Variants in PCDHGB4 observed in about 807,000 individuals in gnomAD.
The protein encoded by PCDHGB4 is protocadherin gamma-B4.
A neutral mutation model predicts 60.5 loss-of-function variants in PCDHGB4; 38 were observed. The observed-to-expected ratio is 0.63, with a 90% confidence interval of 0.48 to 0.82. The LOEUF (loss-of-function observed/expected upper bound fraction) is 0.82. Ranked by LOEUF, PCDHGB4 falls within the 40% of genes least tolerant of loss-of-function variation. The pLI, the probability that PCDHGB4 is intolerant of heterozygous loss-of-function variation, is 0.00. For synonymous variants in PCDHGB4, 456 were observed against 509.7 expected (o/e 0.89, Z 1.42); for missense variants, 1,109 against 1,209.6 (o/e 0.92, Z 1.23).
At chr5:141,415,754 T>TTTG (rs2095935149) in intron 1 of PCDHGB4, 3 of 1,385,710 alleles carry the variant, frequency 2.2e-6, no homozygotes, top group African/African-American at 1.5e-5. Context: ...TTTTTTTTTT[T>TTTG]TTTTTTTTTT....
chr5:141,476,738 C>T lies in PCDHGB4; in HGVS notation c.2398-18069C>T. 6.2e-7 allele frequency: 1 copy of T among 1,614,076 alleles called. No individual in the cohort carries two copies. The highest frequency in any genetic ancestry group is 2.2e-5 in the East Asian group (1 of 44,880). On this transcript the variant is annotated intron_variant, in intron 1 of 3. Transcript: ENST00000519479. This position sits in a 1 kb window ranked among gnomAD's most constrained non-coding sequence, Gnocchi z 7.6. Reference sequence around the variant, plus strand: ...GCGCGCCCTGGACCGAGAACGGGAGCCTAGTCTCCAGTTAGTGCTGACGGC... The same window carrying T: ...GCGCGCCCTGGACCGAGAACGGGAGTCTAGTCTCCAGTTAGTGCTGACGGC...
At chr5:141,414,957 G>A in intron 1 of PCDHGB4, 7 of 1,614,018 alleles carry the variant, frequency 4.3e-6, no homozygotes, top group Non-Finnish European at 3.4e-6. Flanking sequence ...TGGTGACCAA[G>A]GTGGTGGCGG....
intron 1 of PCDHGB4, chr5:141,393,555 C>T (rs1561643318): frequency 1.2e-6 from 2 of 1,613,808 alleles, no homozygotes; most frequent in Admixed American, 3.3e-5. Context: ...CCCGATTTAC[C>T]GAGTGAAAGT....
At position 141,389,660 on chromosome 5, in the gene PCDHGB4, G is replaced by A. The variant is rs1302432237; in HGVS notation, c.1776G>A (p.Val592=). 4 of 1,612,338 alleles carry A rather than the reference G, an allele frequency of 2.5e-6. No individual in the cohort carries two copies. Among genetic ancestry groups the A allele is most frequent in the African/African-American group, 2.7e-5 (2 of 74,922 alleles). Residue 592 remains valine (V), a synonymous_variant, in exon 1 of 4, where the codon GTG becomes GTA. Transcript: ENST00000519479. ...PGYLVTKVVA[V]DADSGHNAWL... ...ACTTGGTGACCAAGGTAGTGGCGGT[G>A]GACGCAGACTCAGGACACAACGCCT...
chr5:141,512,395 C>T lies in PCDHGB4; in HGVS notation c.*1222C>T, dbSNP rs1229077213. ...ACCAAATGAACAGAAAGTCTCAGCCCAGGATGGGGCTTCTTCAACAGGGCC... is the reference window on the plus strand; with the variant it reads ...ACCAAATGAACAGAAAGTCTCAGCCTAGGATGGGGCTTCTTCAACAGGGCC... On this transcript the variant is annotated 3_prime_UTR_variant, in exon 4 of 4. Coordinates refer to ENST00000519479, the MANE Select transcript of PCDHGB4 (RefSeq NM_003736.4). 1 of 152,690 alleles carries T rather than the reference C, an allele frequency of 6.5e-6. No individual in the cohort carries two copies. Among genetic ancestry groups the T allele is most frequent in the Non-Finnish European group, 1.5e-5 (1 of 68,072 alleles). The allele number at this position is 152,690 out of a possible 1,614,324, so 9.5% of individuals were successfully genotyped here.
chr5:141,462,078 C>T (rs2154567608), intron 1 of PCDHGB4, among the ~76,000 whole-genome samples: 1 of 152,304 alleles, frequency 6.6e-6, no homozygotes, highest in East Asian at 1.9e-4. Flanking sequence ...CCGCCTTGGC[C>T]TCCCAAAATG....
At chr5:141,426,764 T>C (rs1285434687) in intron 1 of PCDHGB4, 5 of 456,638 alleles carry the variant, frequency 1.1e-5, no homozygotes, top group Non-Finnish European at 2.2e-5. Flanking sequence ...TAGATGCAGA[T>C]GTAGGGCCTC....
chr5:141,488,441 C>T (rs1320712074), intron 1 of PCDHGB4, among the ~76,000 whole-genome samples: 1 of 152,206 alleles, frequency 6.6e-6, no homozygotes, highest in Non-Finnish European at 1.5e-5. Flanking sequence ...TGACCACCCT[C>T]CTGGGTGACC....
At position 141,489,380 on chromosome 5, in the gene PCDHGB4, A is replaced by G. The variant is rs753226956; in HGVS notation, c.2398-5427A>G. ...TCTGAGCCGGGGACGCTGGTGGGGA[A>G]TGTTGCTCAGGATCTGGGCTTAAAG... is the stretch of plus-strand genomic sequence containing the variant. On this transcript the variant is annotated intron_variant, in intron 1 of 3. Transcript: ENST00000519479. The surrounding 1 kb of genome is among the most constrained non-coding windows in gnomAD (Gnocchi z 4.5). The G allele has an allele frequency of 1.9e-6, 3 of 1,613,874 alleles. No individual in the cohort carries two copies. Among genetic ancestry groups the G allele is most frequent in the Admixed American group, 1.7e-5 (1 of 60,026 alleles).
intron 1 of PCDHGB4, chr5:141,420,969 A>G (rs2096536141): frequency 2.3e-6 from 1 of 443,064 alleles, no homozygotes; most frequent in Admixed American, 4.0e-5. Flanking sequence ...TTGCAATAAT[A>G]AGAATGGGCT....
At chr5:141,483,745 T>C (rs1288301129) in intron 1 of PCDHGB4, among the ~76,000 whole-genome samples, 1 of 152,130 alleles carries the variant, frequency 6.6e-6, no homozygotes, top group Non-Finnish European at 1.5e-5. Flanking sequence ...AGGATATTCC[T>C]GAGGATCGAG....
chr5:141,437,518 T>C (rs1482415074), intron 1 of PCDHGB4, among the ~76,000 whole-genome samples: 1 of 152,210 alleles, frequency 6.6e-6, no homozygotes, highest in African/African-American at 2.4e-5. Flanking sequence ...ATAAGGCTGA[T>C]GACAAATGAG....
intron 1 of PCDHGB4, chr5:141,478,523 G>T (rs2099461821): frequency 6.2e-7 from 1 of 1,609,908 alleles, no homozygotes; most frequent in Non-Finnish European, 8.5e-7. Context: ...GGTGTTGGGT[G>T]CAGAGAGCGC....
intron 1 of PCDHGB4, chr5:141,420,927 G>A (rs1257204379): frequency 2.8e-6 from 1 of 362,530 alleles, no homozygotes; most frequent in Non-Finnish European, 5.0e-6. Context: ...ACAAAGGTGA[G>A]CGTAATCATT....
intron 1 of PCDHGB4, chr5:141,433,160 A>G: frequency 1.9e-6 from 3 of 1,613,848 alleles, no homozygotes; most frequent in Middle Eastern, 1.7e-4. Context: ...GGTATTTTCT[A>G]AAGACAGTCA....
At chr5:141,509,574 G>A (rs554778751) in intron 3 of PCDHGB4, among the ~76,000 whole-genome samples, 7 of 152,182 alleles carry the variant, frequency 4.6e-5, no homozygotes, top group Non-Finnish European at 5.9e-5. Flanking sequence ...TTCACAGTGC[G>A]TACAAATCAG....
intron 1 of PCDHGB4, chr5:141,414,906 A>C (rs749933537): frequency 6.2e-7 from 1 of 1,614,146 alleles, no homozygotes; most frequent in Admixed American, 1.7e-5. Context: ...ACGGTTCCAC[A>C]GGCGTGGAGC....
At chr5:141,414,097 T>C (rs1442366960) in intron 1 of PCDHGB4, 1 of 1,594,352 alleles carries the variant, frequency 6.3e-7, no homozygotes, top group South Asian at 1.1e-5. Context: ...AATAAAAATA[T>C]CAGAAAATCT....
intron 1 of PCDHGB4, chr5:141,418,478 G>A (rs777772131): frequency 1.2e-6 from 2 of 1,613,858 alleles, no homozygotes; most frequent in Non-Finnish European, 1.7e-6. Flanking sequence ...AACGCAGAGC[G>A]CTCACCACTT....
Sources: gnomAD v4.1 joint callset for allele counts (sites outside exome capture counted in the v4.1 genomes callset) on GRCh38, gnomAD v4.1.1 for gene constraint, Gnocchi (gnomAD v3.1) non-coding constraint, MANE v1.5 for transcripts, NCBI Gene and HGNC (gene_info 2026-07-23, HGNC 2026-07-21) for gene names.